CLDN10: variants seen among roughly 807,000 people sequenced by gnomAD.
The protein encoded by CLDN10 is claudin-10.
Under a neutral mutation model 22.9 loss-of-function variants are expected in CLDN10, and 15 were observed. The observed-to-expected ratio is 0.65, with a 90% confidence interval of 0.44 to 1.01. CLDN10 has a LOEUF of 1.01. Among genes scored for constraint, CLDN10 ranks in the 50% least tolerant of loss-of-function variants. CLDN10 has a pLI of 0.00. For missense variants in CLDN10, 247 were observed against 287.8 expected, an observed-to-expected ratio of 0.86 and a Z score of 1.03; for synonymous variants, 114 against 111.4, an observed-to-expected ratio of 1.02 and a Z score of -0.15.
intron 1 of CLDN10, among the ~76,000 whole-genome samples, chr13:95,467,021 C>T (rs1191060207): frequency 4.2e-5 from 6 of 143,724 alleles, no homozygotes; most frequent in Non-Finnish European, 6.0e-5. Context: ...GGACTACAGG[C>T]GCCTGCCACC....
intron 1 of CLDN10, among the ~76,000 whole-genome samples, chr13:95,499,615 C>T (rs1449960364): frequency 1.3e-5 from 2 of 152,082 alleles, no homozygotes; most frequent in African/African-American, 4.8e-5. Flanking sequence ...AGACAGGCAC[C>T]GGGGCAGACT....
chr13:95,442,486 T>C (rs1037296669), intron 1 of CLDN10, among the ~76,000 whole-genome samples: 2 of 152,232 alleles, frequency 1.3e-5, no homozygotes, highest in Admixed American at 1.3e-4. Flanking sequence ...TGCTATTTTG[T>C]ATAAGGCAAG....
At chr13:95,496,817 C>G (rs981501721) in intron 1 of CLDN10, among the ~76,000 whole-genome samples, 4 of 152,236 alleles carry the variant, frequency 2.6e-5, no homozygotes, top group African/African-American at 9.6e-5. Flanking sequence ...ACATATGGAT[C>G]TGAGGGGGAC....
chr13:95,550,895 G>A (rs1222434917), upstream of CLDN10, among the ~76,000 whole-genome samples: 1 of 131,422 alleles, frequency 7.6e-6, no homozygotes, highest in Admixed American at 9.4e-5. Flanking sequence ...GGATAGTCTC[G>A]ATCTCCTGAC....
Position 95,482,754 on chromosome 13 carries a change from A to T in CLDN10, c.214+48707A>T, listed in dbSNP as rs76019841. Among the ~76,000 whole-genome samples the T allele has an allele frequency of 6.4e-4, 97 of 152,320 alleles. 3 individuals are homozygous for T. In the East Asian group the frequency reaches 0.017, roughly 27 times the overall value. On this transcript the variant is annotated intron_variant, in intron 1 of 4. Coordinates refer to the CLDN10 transcript ENST00000376873. ...CACTTTGGGAGGCTGAGGTGGGTGGATCACCTGAGGTCAGGAGTTTGAGAC... is the reference window on the plus strand; with the variant it reads ...CACTTTGGGAGGCTGAGGTGGGTGGTTCACCTGAGGTCAGGAGTTTGAGAC...
chr13:95,445,632 C>T (rs754251398), intron 1 of CLDN10, among the ~76,000 whole-genome samples: 2 of 152,196 alleles, frequency 1.3e-5, no homozygotes, highest in Non-Finnish European at 2.9e-5. Flanking sequence ...AGTTCCTTCT[C>T]CTAGTATGGT....
chr13:95,509,330 G>T (rs895970000), intron 1 of CLDN10, among the ~76,000 whole-genome samples: 1 of 152,184 alleles, frequency 6.6e-6, no homozygotes, highest in East Asian at 1.9e-4. Flanking sequence ...GTTTACAATG[G>T]CAAGTGTATG....
In CLDN10 at chr13:95,579,547, A is replaced by G. The variant is rs2043985519; in HGVS notation, c.*1533A>G. On this transcript the variant is annotated 3_prime_UTR_variant, in exon 5 of 5. Coordinates refer to ENST00000299339, the MANE Select transcript of CLDN10 (RefSeq NM_006984.5). ...GAACCAAGGCAGTCTAGGGTAAAAT[A>G]TAGTTTCAAAGTATGAATAAGAATT... 1 of 152,250 alleles carries G rather than the reference A, an allele frequency of 6.6e-6. No individual in the cohort carries two copies. Among genetic ancestry groups the G allele is most frequent in the East Asian group, 1.9e-4 (1 of 5,194 alleles). The allele number at this position is 152,250 out of a possible 1,614,324, so 9.4% of individuals were successfully genotyped here. A position where few individuals can be genotyped will look rare whatever the true frequency, so the allele number is the denominator to read the frequency against.
chr13:95,481,384 C>G (rs1208395579), intron 1 of CLDN10, among the ~76,000 whole-genome samples: 2 of 152,194 alleles, frequency 1.3e-5, no homozygotes, highest in Non-Finnish European at 2.9e-5. Context: ...TTCCTGGGAT[C>G]TGAATCAGTA....
intron 1 of CLDN10, among the ~76,000 whole-genome samples, chr13:95,441,125 G>A (rs1269283411): frequency 6.6e-6 from 1 of 152,170 alleles, no homozygotes; most frequent in African/African-American, 2.4e-5. Flanking sequence ...AGGAGAAATT[G>A]TTCATTGAGT....
chr13:95,560,343 T>G, intron 2 of CLDN10, 39 bp from the exon 3 acceptor site: 1 of 1,613,050 alleles, frequency 6.2e-7, no homozygotes, highest in Non-Finnish European at 8.5e-7. Context: ...GTTAATGAAA[T>G]CACACTAACC....
At chr13:95,563,407 A>C (rs2043744188) in intron 3 of CLDN10, among the ~76,000 whole-genome samples, 1 of 152,138 alleles carries the variant, frequency 6.6e-6, no homozygotes, top group Non-Finnish European at 1.5e-5. Context: ...CCTACAATTC[A>C]CCAATTTACC....
Position 95,546,494 on chromosome 13 carries a change from C to T in CLDN10, c.215-13638C>T, listed in dbSNP as rs548024575. Reference sequence around the variant, plus strand: ...TTTATTAGATAGAAATAAGAGAATGCCTACATTTTGAAGAAAAAAAACTCT... The same window carrying T: ...TTTATTAGATAGAAATAAGAGAATGTCTACATTTTGAAGAAAAAAAACTCT... On this transcript the variant is annotated intron_variant, in intron 1 of 4. Transcript: ENST00000376873. Among the ~76,000 whole-genome samples, 66 of 152,166 alleles carry T rather than the reference C, an allele frequency of 4.3e-4. 1 individual carries two copies. The South Asian group carries it at 0.013, about 31-fold the overall frequency.
chr13:95,548,225 G>C (rs1380452579), upstream of CLDN10, among the ~76,000 whole-genome samples: 2 of 152,220 alleles, frequency 1.3e-5, no homozygotes, highest in Non-Finnish European at 2.9e-5. Flanking sequence ...GCATCACAGA[G>C]TGAGAGTAAT....
At chr13:95,525,660 T>C (rs2043273042) in intron 1 of CLDN10, among the ~76,000 whole-genome samples, 1 of 151,856 alleles carries the variant, frequency 6.6e-6, no homozygotes, top group African/African-American at 2.4e-5. Context: ...CCCAGCTGAT[T>C]TTTGTATTTT....
chr13:95,550,818 T>C (rs10161755), upstream of CLDN10, among the ~76,000 whole-genome samples: 1,438 of 128,466 alleles, frequency 0.011, 49 homozygotes, highest in African/African-American at 0.04. Context: ...GTTAGGAAGA[T>C]ACTTTTTTTT....
At chr13:95,561,646 C>T (rs1017499563) in intron 3 of CLDN10, among the ~76,000 whole-genome samples, 6 of 152,070 alleles carry the variant, frequency 3.9e-5, no homozygotes, top group African/African-American at 1.4e-4. Context: ...GGATTCAAAC[C>T]AGGCAGTTGA....
chr13:95,575,756 G>A (rs1189057920), intron 3 of CLDN10, among the ~76,000 whole-genome samples: 2 of 152,158 alleles, frequency 1.3e-5, no homozygotes, highest in Non-Finnish European at 2.9e-5. Flanking sequence ...GCTGTTCCTT[G>A]CCCCATCAGT....
chr13:95,546,416 T>G (rs2043510283), intron 1 of CLDN10, among the ~76,000 whole-genome samples: 1 of 152,166 alleles, frequency 6.6e-6, no homozygotes, highest in South Asian at 2.1e-4. Flanking sequence ...GCATGGAGTT[T>G]TTATTAAATA....
Sources: allele counts gnomAD v4.1 joint callset (sites outside exome capture counted in the v4.1 genomes callset), GRCh38; gene constraint gnomAD v4.1.1; transcripts MANE v1.5; gene names NCBI Gene and HGNC (gene_info 2026-07-23, HGNC 2026-07-21).